STPG4: variants seen among roughly 807,000 people sequenced by gnomAD.
STPG4 encodes the protein protein STPG4.
Under a neutral mutation model 31.5 loss-of-function variants are expected in STPG4, and 41 were observed. That is an observed-to-expected ratio of 1.30 (90% CI 1.01 to 1.69). The LOEUF is 1.69. Ranked by LOEUF, STPG4 falls within the 40% of genes most tolerant of loss-of-function variation. The pLI is 0.00. For missense variants in STPG4, 375 were observed against 293.4 expected, an observed-to-expected ratio of 1.28 and a Z score of -2.03; for synonymous variants, 141 against 103.0, an observed-to-expected ratio of 1.37 and a Z score of -2.24.
intron 5 of STPG4, among the ~76,000 whole-genome samples, chr2:47,114,379 C>A (rs112839566): frequency 6.6e-6 from 1 of 151,738 alleles, no homozygotes; most frequent in Admixed American, 6.6e-5. Context: ...TGGTGGCAGG[C>A]GCCTATAATC....
intron 3 of STPG4, among the ~76,000 whole-genome samples, chr2:47,131,419 G>A (rs972882638): frequency 2.0e-5 from 3 of 152,182 alleles, no homozygotes; most frequent in African/African-American, 4.8e-5. Flanking sequence ...GAGTCACTAT[G>A]TCCAGCCGTG....
chr2:47,108,679 T>G (rs922112739), intron 5 of STPG4: 1 of 153,060 alleles, frequency 6.5e-6, no homozygotes, highest in Non-Finnish European at 1.5e-5. Flanking sequence ...TCCCGCTTCC[T>G]GGCATTCTTT....
At position 47,093,949 on chromosome 2, in the gene STPG4, G is replaced by A. The variant is rs531370357; in HGVS notation, c.520-3575C>T. Among the ~76,000 whole-genome samples the A allele has an allele frequency of 1.6e-4, 24 of 152,362 alleles. No homozygotes were observed. The East Asian group carries it at 3.9e-3, about 24-fold the overall frequency. On this transcript the variant is annotated intron_variant, in intron 5 of 6. Transcript: ENST00000445927. ...CAGAGTCCCCACTGCTGCCCCATCC[G>A]AGGACGGCTTGAGTGGACAGATGGC...
At chr2:47,118,329 G>C (rs561462744) in intron 5 of STPG4, among the ~76,000 whole-genome samples, 1 of 152,162 alleles carries the variant, frequency 6.6e-6, no homozygotes, top group African/African-American at 2.4e-5. Context: ...CTCCTTATGA[G>C]AATCTAATGC....
chr2:47,129,169 C>A (rs1158136194), intron 5 of STPG4: 2 of 152,182 alleles, frequency 1.3e-5, no homozygotes, highest in African/African-American at 4.8e-5. Flanking sequence ...AAGACAAGTC[C>A]TCTTTACTCT....
intron 5 of STPG4, among the ~76,000 whole-genome samples, chr2:47,093,256 A>T (rs1314373914): frequency 6.6e-6 from 1 of 152,104 alleles, no homozygotes; most frequent in Non-Finnish European, 1.5e-5. Flanking sequence ...CATTTTTACA[A>T]CTCATGGCAG....
At chr2:47,124,407 C>A (rs994925216) in intron 5 of STPG4, among the ~76,000 whole-genome samples, 2 of 152,166 alleles carry the variant, frequency 1.3e-5, no homozygotes, top group Non-Finnish European at 2.9e-5. Flanking sequence ...CTTCCCCTTT[C>A]TCCATCCTCC....
chr2:47,094,993 T>C (rs1685641616), intron 5 of STPG4, among the ~76,000 whole-genome samples: 2 of 152,194 alleles, frequency 1.3e-5, no homozygotes, highest in South Asian at 4.1e-4. Context: ...TGAAGACGTG[T>C]ATCACTCTGG....
intron 5 of STPG4, among the ~76,000 whole-genome samples, chr2:47,103,648 G>T (rs535409482): frequency 5.9e-5 from 9 of 152,034 alleles, no homozygotes; most frequent in Non-Finnish European, 7.4e-5. Flanking sequence ...ATTGTCCAAT[G>T]AGAAACAAAC....
intron 3 of STPG4, among the ~76,000 whole-genome samples, chr2:47,141,522 A>G (rs1401483942): frequency 1.3e-5 from 2 of 150,980 alleles, no homozygotes; most frequent in Non-Finnish European, 2.9e-5. Flanking sequence ...CAATCACTGC[A>G]TTACTTTGCA....
chr2:47,087,046 T>G lies in STPG4; in HGVS notation c.709A>C (p.Ser237Arg), dbSNP rs946048475. The change falls in exon 7 of 7, where the codon AGC (serine) becomes CGC (arginine). Residue 237 changes from serine (S) to arginine (R), a missense_variant. Coordinates refer to ENST00000445927, the MANE Select transcript of STPG4 (RefSeq NM_001163561.2). The stretch of plus-strand genomic sequence containing the variant: ...CAATTGTTGTTGTTGAAGAAAAGGC[T>G]ATGCTCTTGGCCCATTTTGGCTATG... ...PTIAKMGQEH[S>R]LFFNNNNWLL... The G allele has an allele frequency of 6.4e-7, 1 of 1,551,696 alleles. No homozygotes were observed. The highest frequency in any genetic ancestry group is 1.4e-5 in the African/African-American group (1 of 73,072).
intron 5 of STPG4, among the ~76,000 whole-genome samples, chr2:47,097,125 T>G (rs1685689028): frequency 6.6e-6 from 1 of 152,188 alleles, no homozygotes; most frequent in African/African-American, 2.4e-5. Context: ...CAGATTCATG[T>G]GCAAAAGGGA....
chr2:47,125,928 T>C (rs893072205), intron 5 of STPG4, among the ~76,000 whole-genome samples: 1 of 152,196 alleles, frequency 6.6e-6, no homozygotes, highest in African/African-American at 2.4e-5. Context: ...CTAGTTTCAT[T>C]CATCTTCATA....
chr2:47,148,170 C>A (rs1376392337), intron 3 of STPG4, among the ~76,000 whole-genome samples: 1 of 152,056 alleles, frequency 6.6e-6, no homozygotes, highest in Non-Finnish European at 1.5e-5. Context: ...CTGTCTCGAA[C>A]TCCTGGCCTC....
intron 5 of STPG4, among the ~76,000 whole-genome samples, chr2:47,098,909 G>T (rs1685731513): frequency 6.6e-6 from 1 of 152,158 alleles, no homozygotes; most frequent in South Asian, 2.1e-4. Context: ...GTCAACATTG[G>T]TCTACAGGTT....
In STPG4 at chr2:47,090,335, G is replaced by C. The variant is rs931292655; in HGVS notation, c.559C>G (p.Pro187Ala). 1.3e-6 allele frequency: 2 copies of C among 1,551,846 alleles called. No individual in the cohort carries two copies. Among genetic ancestry groups the C allele is most frequent in the African/African-American group, 2.7e-5 (2 of 73,012 alleles). The change falls in exon 6 of 7, where the codon CCT (proline) becomes GCT (alanine). Residue 187 changes from proline (P) to alanine (A), a missense_variant. Physicochemically the swap from Pro to Ala is conservative, Grantham distance 27. Coordinates refer to ENST00000445927, the MANE Select transcript of STPG4 (RefSeq NM_001163561.2). ...CAAGAAGTGACAGAGCTTGTTGGAG[G>C]CATTTTCACATTATAATGACCTGGA... ...PGPGHYNVKMPPTSSVTSCFQ... is the reference protein window; with the variant it reads ...PGPGHYNVKMAPTSSVTSCFQ...
chr2:47,120,647 T>TG (rs1414717637), intron 5 of STPG4, among the ~76,000 whole-genome samples: 2 of 152,024 alleles, frequency 1.3e-5, no homozygotes, highest in African/African-American at 2.4e-5. Flanking sequence ...ATTCATTTGG[T>TG]GGGGGTCCGG....
chr2:47,150,969 A>G (rs930445346), intron 3 of STPG4, among the ~76,000 whole-genome samples: 1 of 152,120 alleles, frequency 6.6e-6, no homozygotes, highest in Non-Finnish European at 1.5e-5. Flanking sequence ...GCCCAATGAC[A>G]GATAAGATCC....
chr2:47,115,199 T>A (rs868524184), intron 5 of STPG4, among the ~76,000 whole-genome samples: 107 of 152,310 alleles, frequency 7.0e-4, no homozygotes, highest in African/African-American at 2.5e-3. Context: ...GTGCCCCTTT[T>A]TCTTTTGAAA....
Sources: gnomAD v4.1 joint callset for allele counts (sites outside exome capture counted in the v4.1 genomes callset) on GRCh38, gnomAD v4.1.1 for gene constraint, MANE v1.5 for transcripts, NCBI Gene and HGNC (gene_info 2026-07-23, HGNC 2026-07-21) for gene names.